GRIN2B: variants seen among roughly 807,000 people sequenced by gnomAD.
GRIN2B encodes the protein glutamate receptor ionotropic, NMDA 2B.
In GRIN2B, 5 loss-of-function variants were observed where a neutral mutation model predicts 114.5. The observed-to-expected ratio is 0.04, with a 90% CI of 0.02 to 0.09. GRIN2B has a LOEUF of 0.09. Among genes scored for constraint, GRIN2B ranks in the 10% least tolerant of loss-of-function variants. The pLI, the probability that GRIN2B is intolerant of heterozygous loss-of-function variation, is 1.00. For missense variants in GRIN2B, 1,108 were observed against 1,943.5 expected (o/e 0.57, Z 8.08); for synonymous variants, 787 against 745.1 (o/e 1.06, Z -0.92).
At chr12:13,707,100 A>G (rs2136575553) in intron 4 of GRIN2B, among the ~76,000 whole-genome samples, 1 of 152,194 alleles carries the variant, frequency 6.6e-6, no homozygotes, top group South Asian at 2.1e-4. Context: ...AAAACACAAG[A>G]TCGTAATTAA....
At chr12:13,578,440 T>C (rs991848423) in intron 10 of GRIN2B, among the ~76,000 whole-genome samples, 4 of 152,138 alleles carry the variant, frequency 2.6e-5, no homozygotes, top group Non-Finnish European at 4.4e-5. Context: ...TGCCGGAGAT[T>C]CCACCTATAG....
chr12:13,752,982 A>G (rs1863509595), intron 4 of GRIN2B, among the ~76,000 whole-genome samples: 1 of 152,222 alleles, frequency 6.6e-6, no homozygotes, highest in Non-Finnish European at 1.5e-5. Flanking sequence ...GACATTGTAT[A>G]ATTTACACCT....
At chr12:13,565,559 C>T (rs141464408) in intron 13 of GRIN2B, among the ~76,000 whole-genome samples, 4 of 152,250 alleles carry the variant, frequency 2.6e-5, no homozygotes, top group African/African-American at 9.6e-5. Flanking sequence ...CTGGAGGGCT[C>T]AGTATGTTTG....
In GRIN2B at chr12:13,850,418, T is replaced by A. The variant is rs1353785024; in HGVS notation, c.411+15380A>T. Among the ~76,000 whole-genome samples, 3 of 152,160 alleles carry A rather than the reference T, an allele frequency of 2.0e-5. No homozygotes were observed. The East Asian group carries it at 5.8e-4, about 29-fold the overall frequency. On this transcript the variant is annotated intron_variant, in intron 3 of 13. Transcript: ENST00000609686. ...CATCCAGTTGAAAGTGTTCTGGGCTTGAAGGTCTCAGGTTCACTCTCAACC... is the reference window on the plus strand; with the variant it reads ...CATCCAGTTGAAAGTGTTCTGGGCTAGAAGGTCTCAGGTTCACTCTCAACC...
chr12:13,812,104 T>C (rs1864740383), intron 3 of GRIN2B, among the ~76,000 whole-genome samples: 2 of 152,186 alleles, frequency 1.3e-5, no homozygotes, highest in South Asian at 2.1e-4. Context: ...CATACTGGTG[T>C]TCACAGGCAG....
rs1048975501 is a variant in GRIN2B at position 13,549,996 on chromosome 12, G to A, written c.*12787C>T. 6.6e-5 allele frequency: 10 copies of A among 152,118 alleles called. No homozygotes were observed. The highest frequency in any genetic ancestry group is 2.6e-4 in the Admixed American group (4 of 15,276). 9.4% of individuals were successfully genotyped at this position (152,118 alleles called of 1,614,324 possible). ...GCAGACAATTCAGGCAGCATTACTC[G>A]CTGAGCTAGACTGAGAGTTAGAAAT... is the stretch of plus-strand genomic sequence containing the variant. On this transcript the variant is annotated 3_prime_UTR_variant, in exon 14 of 14. Transcript: ENST00000609686.
chr12:13,895,995 T>C (rs1435086572), intron 2 of GRIN2B, among the ~76,000 whole-genome samples: 1 of 152,208 alleles, frequency 6.6e-6, no homozygotes, highest in Non-Finnish European at 1.5e-5. Flanking sequence ...GTGCATACGA[T>C]AGTATATCAT....
chr12:13,957,462 T>A (rs1431383405), intron 2 of GRIN2B, among the ~76,000 whole-genome samples: 5 of 152,136 alleles, frequency 3.3e-5, no homozygotes, highest in Admixed American at 6.5e-5. Context: ...AATGAACTCA[T>A]CTTCATCTCA....
rs59238170 is a variant in GRIN2B at position 13,916,735 on chromosome 12, A to ACACAAATGTGTGTGTG, written c.-18-50510_-18-50509insCACACACACATTTGTG. Among the ~76,000 whole-genome samples, 438 of 101,908 alleles carry ACACAAATGTGTGTGTG rather than the reference A, an allele frequency of 4.3e-3. 7 individuals carry two copies. The highest frequency in any genetic ancestry group is 0.014 in the African/African-American group (393 of 28,622). The allele number at this position is 101,908 out of a possible 152,430, so 66.9% of individuals were successfully genotyped here. A position where few individuals can be genotyped will look rare whatever the true frequency, so the allele number is the denominator to read the frequency against. ...TATACACACACACACACACACACAC[A>ACACAAATGTGTGTGTG]TTTGTGTGTGTGTGTGTGTGTGTGT... On this transcript the variant is annotated intron_variant, in intron 2 of 13. Coordinates refer to ENST00000609686, the MANE Select transcript of GRIN2B (RefSeq NM_000834.5).
chr12:13,770,460 G>T (rs1321625102), intron 3 of GRIN2B, among the ~76,000 whole-genome samples: 2 of 152,162 alleles, frequency 1.3e-5, no homozygotes, highest in African/African-American at 4.8e-5. Flanking sequence ...GTAAAATGGT[G>T]GTTAAGCCGT....
chr12:13,857,401 T>A (rs1006503958), intron 3 of GRIN2B, among the ~76,000 whole-genome samples: 37 of 137,028 alleles, frequency 2.7e-4, no homozygotes, highest in Non-Finnish European at 4.4e-4. Flanking sequence ...ACACACACAC[T>A]CTCACACACA....
intron 2 of GRIN2B, among the ~76,000 whole-genome samples, chr12:13,884,422 A>C (rs1866119982): frequency 6.6e-6 from 1 of 152,138 alleles, no homozygotes; most frequent in Admixed American, 6.6e-5. Flanking sequence ...TCAATTTCTA[A>C]TTGTTCATTG....
At chr12:13,698,734 G>A (rs1459928541) in intron 4 of GRIN2B, among the ~76,000 whole-genome samples, 1 of 152,134 alleles carries the variant, frequency 6.6e-6, no homozygotes, top group African/African-American at 2.4e-5. Flanking sequence ...CCATGCTGCA[G>A]TGCAGTGGCA....
At chr12:13,691,201 T>A (rs1388093825) in intron 4 of GRIN2B, among the ~76,000 whole-genome samples, 1 of 152,194 alleles carries the variant, frequency 6.6e-6, no homozygotes, top group African/African-American at 2.4e-5. Context: ...CACACTAAGA[T>A]CTTCTCTACA....
chr12:13,691,046 A>G (rs1950212125), intron 4 of GRIN2B, among the ~76,000 whole-genome samples: 1 of 152,222 alleles, frequency 6.6e-6, no homozygotes, highest in African/African-American at 2.4e-5. Flanking sequence ...GGAAAATTAA[A>G]ATATCCTCAG....
At chr12:13,772,216 T>C (rs1452520365) in intron 3 of GRIN2B, among the ~76,000 whole-genome samples, 1 of 152,218 alleles carries the variant, frequency 6.6e-6, no homozygotes, top group Admixed American at 6.5e-5. Context: ...GTTTGGTTTG[T>C]GCCACTGATG....
chr12:13,894,688 A>AGTAT lies in GRIN2B; in HGVS notation c.-18-28466_-18-28463dup, dbSNP rs1866326623. ...AAAGTTATATGTTAAACATTGCTTA[A>AGTAT]GTATATATACCAGTCGATAGACAAA... On this transcript the variant is annotated intron_variant, in intron 2 of 13. Transcript: ENST00000609686. 2.6e-5 allele frequency among the ~76,000 whole-genome samples: 4 copies of AGTAT among 152,296 alleles called. No individual in the cohort carries two copies. The East Asian group carries it at 5.8e-4, about 22-fold the overall frequency.
intron 4 of GRIN2B, among the ~76,000 whole-genome samples, chr12:13,734,150 T>A (rs535841744): frequency 1.2e-4 from 18 of 152,324 alleles, no homozygotes; most frequent in Non-Finnish European, 2.1e-4. Context: ...CCATAGGTAC[T>A]TAATCACATG....
rs886049101 is a variant in GRIN2B at position 13,564,372 on chromosome 12, C to T, written c.2866G>A (p.Glu956Lys). ...CTGATGTAGTCACTGAAGAGGTTCT[C>T]CTCACAGGGCGGGTTGTTGTAGGAT... is the stretch of plus-strand genomic sequence containing the variant. ...CKSYNNPPCE[E>K]NLFSDYISEV... Residue 956 changes from glutamate to lysine, a missense_variant, in exon 14 of 14, where the codon GAG becomes AAG. Physicochemically the swap from Glu to Lys is moderately conservative, Grantham distance 56 (BLOSUM62 1). This residue lies in a region of GRIN2B where 140 missense variants were observed against 187.5 expected (regional missense o/e 0.75). Transcript: ENST00000609686. This position sits in a 1 kb window ranked among gnomAD's most constrained non-coding sequence, Gnocchi z 4.8. 2 of 1,614,212 alleles carry T rather than the reference C, an allele frequency of 1.2e-6. No homozygotes were observed. The highest frequency in any genetic ancestry group is 1.7e-6 in the Non-Finnish European group (2 of 1,180,032).
Sources: allele counts gnomAD v4.1 joint callset (sites outside exome capture counted in the v4.1 genomes callset), GRCh38; gene constraint gnomAD v4.1.1; regional missense constraint gnomAD v4.1.1; non-coding constraint Gnocchi (gnomAD v3.1); transcripts MANE v1.5; gene names NCBI Gene and HGNC (gene_info 2026-07-23, HGNC 2026-07-21).